RMST: variants seen among roughly 807,000 people sequenced by gnomAD.
RMST encodes the protein rhabdomyosarcoma 2 associated transcript, also known as long intergenic non-protein coding RNA 54.
At chr12:97,485,715 C>T (rs73384755) in intron 5 of RMST, among the ~76,000 whole-genome samples, 2,733 of 152,310 alleles carry the variant, frequency 0.018, 96 homozygotes, top group African/African-American at 0.062. Flanking sequence ...TGCTCAAAGC[C>T]ACATAGCTAA....
At chr12:97,482,028 CTG>C (rs1875357817) in intron 5 of RMST, among the ~76,000 whole-genome samples, 1 of 152,160 alleles carries the variant, frequency 6.6e-6, no homozygotes, top group Non-Finnish European at 1.5e-5. Context: ...TTTTACAACA[CTG>C]TTTATTCACT....
At chr12:97,481,406 T>C (rs1436454017) in intron 5 of RMST, among the ~76,000 whole-genome samples, 1 of 152,204 alleles carries the variant, frequency 6.6e-6, no homozygotes, top group Admixed American at 6.5e-5. Flanking sequence ...TTTTTAAACA[T>C]TTAAAGGTCT....
chr12:97,464,736 T>C (rs1430849715), intron 4 of RMST: 1 of 152,154 alleles, frequency 6.6e-6, no homozygotes, highest in African/African-American at 2.4e-5. Context: ...TCAATCTCCG[T>C]GGTTTTGGGG....
chr12:97,472,937 C>A (rs1384734446), intron 5 of RMST, among the ~76,000 whole-genome samples: 10 of 152,022 alleles, frequency 6.6e-5, no homozygotes, highest in African/African-American at 2.2e-4. Flanking sequence ...TTGCTAATGG[C>A]ACTGTGAAGG....
intron 5 of RMST, chr12:97,483,447 G>A (rs1875693573): frequency 6.6e-6 from 1 of 152,148 alleles, no homozygotes; most frequent in South Asian, 2.1e-4. Flanking sequence ...GGTTAACATG[G>A]GCATAATGTT....
intron 10 of RMST, among the ~76,000 whole-genome samples, chr12:97,499,270 C>A (rs941508889): frequency 6.6e-6 from 1 of 152,046 alleles, no homozygotes; most frequent in African/African-American, 2.4e-5. Flanking sequence ...CACATCCTAT[C>A]CATATACTCG....
intron 11 of RMST, among the ~76,000 whole-genome samples, chr12:97,553,263 T>A (rs1204341417): frequency 6.6e-6 from 1 of 152,180 alleles, no homozygotes; most frequent in Non-Finnish European, 1.5e-5. Context: ...AAGTTGTGTT[T>A]GGAGAATAAT....
intron 10 of RMST, among the ~76,000 whole-genome samples, chr12:97,521,112 A>T (rs990143822): frequency 2.0e-5 from 3 of 152,222 alleles, no homozygotes; most frequent in African/African-American, 7.2e-5. Flanking sequence ...CCCACCTGTA[A>T]TCATTTAGAG....
intron 5 of RMST, among the ~76,000 whole-genome samples, chr12:97,487,259 A>G (rs947505719): frequency 2.0e-5 from 3 of 152,224 alleles, no homozygotes; most frequent in African/African-American, 7.2e-5. Context: ...AATCATAAAA[A>G]AAGGATAATG....
chr12:97,555,154 A>G (rs954659844), intron 11 of RMST, among the ~76,000 whole-genome samples: 1 of 152,146 alleles, frequency 6.6e-6, no homozygotes, highest in Admixed American at 6.5e-5. Flanking sequence ...CTGTAAACAT[A>G]TTTGCTAAAA....
rs550249610 is a variant in RMST at position 97,526,711 on chromosome 12, A to G, written n.1341-3944A>G. Among the ~76,000 whole-genome samples the G allele has an allele frequency of 1.2e-4, 19 of 152,270 alleles. No individual in the cohort carries two copies. In the South Asian group the frequency reaches 3.7e-3, roughly 30 times the overall value. ...AATCTAGAGGAAGCTATTTATTACT[A>G]TTATTATTGTTGTTGTTATTACTGA... On this transcript the variant is annotated intron_variant and non_coding_transcript_variant, in intron 10 of 13. Coordinates refer to ENST00000640149, the Ensembl canonical transcript of RMST.
exon 14 of RMST, chr12:97,564,251 CAAA>C (rs1187549035): frequency 5.8e-6 from 1 of 172,688 alleles, no homozygotes; most frequent in Admixed American, 5.9e-5. Context: ...TCTTCTGAAA[CAAA>C]GAAGAAATAG....
chr12:97,466,307 T>A (rs1173995303), intron 5 of RMST, among the ~76,000 whole-genome samples: 1 of 152,144 alleles, frequency 6.6e-6, no homozygotes, highest in Non-Finnish European at 1.5e-5. Flanking sequence ...AGCCCTGATA[T>A]GTTAGTGCTT....
chr12:97,469,141 AGT>A (rs10585876), intron 5 of RMST, among the ~76,000 whole-genome samples: 31,801 of 138,074 alleles, frequency 0.23, 3,562 homozygotes, highest in Middle Eastern at 0.34. Context: ...AAGAGAAACC[AGT>A]GTGTGTGTGT....
chr12:97,491,687 T>G (rs1009642904), intron 5 of RMST: 2 of 248,114 alleles, frequency 8.1e-6, no homozygotes, highest in African/African-American at 2.2e-5. Context: ...TATCAAGTAT[T>G]TCGATACCCA....
chr12:97,563,124 A>C (rs961665161), intron 13 of RMST: 4 of 152,262 alleles, frequency 2.6e-5, no homozygotes, highest in African/African-American at 9.6e-5. Flanking sequence ...TTAATGCAGC[A>C]TGAAGAATGT....
At chr12:97,499,382 T>G (rs1378331538) in intron 10 of RMST, among the ~76,000 whole-genome samples, 2 of 152,196 alleles carry the variant, frequency 1.3e-5, no homozygotes, top group African/African-American at 4.8e-5. Flanking sequence ...TATTCTTTTT[T>G]AAAATGTAAC....
At chr12:97,464,666 G>A (rs1379401436) in intron 4 of RMST, among the ~76,000 whole-genome samples, 6 of 152,070 alleles carry the variant, frequency 3.9e-5, no homozygotes, top group African/African-American at 1.4e-4. Flanking sequence ...CTCATTTATC[G>A]GTTGCTAGGT....
intron 10 of RMST, among the ~76,000 whole-genome samples, chr12:97,529,867 A>ATTTGTAT (rs1282616256): frequency 6.6e-6 from 1 of 152,122 alleles, no homozygotes; most frequent in Admixed American, 6.6e-5. Context: ...TGAAGGAAAA[A>ATTTGTAT]TTTGTATTAA....
Sources: allele counts gnomAD v4.1 joint callset (sites outside exome capture counted in the v4.1 genomes callset), GRCh38; gene constraint gnomAD v4.1.1; transcripts MANE v1.5; gene names NCBI Gene and HGNC (gene_info 2026-07-23, HGNC 2026-07-21).